The following MBOAT1 variants were observed in gnomAD, a reference collection of about 807,000 sequenced individuals.
MBOAT1 encodes membrane bound glycerophospholipid O-acyltransferase 1.
In MBOAT1, 67 loss-of-function variants were observed where a neutral mutation model predicts 64.4. The ratio of observed to expected loss-of-function variants is 1.04; its 90% confidence interval spans 0.85 to 1.27. The LOEUF (loss-of-function observed/expected upper bound fraction) is 1.27, where lower values mean the gene tolerates loss of function less well. MBOAT1 is among the 50% of genes most tolerant of loss of function. The pLI is 0.00. For synonymous variants in MBOAT1, 229 were observed against 218.9 expected, an observed-to-expected ratio of 1.05 and a Z score of -0.41; for missense variants, 563 against 604.6, an observed-to-expected ratio of 0.93 and a Z score of 0.72.
chr6:20,151,178 A>T lies in MBOAT1; in HGVS notation c.323+7T>A. 6.3e-7 allele frequency: 1 copy of T among 1,593,334 alleles called. No individual in the cohort carries two copies. The highest frequency in any genetic ancestry group is 8.6e-7 in the Non-Finnish European group (1 of 1,162,464). On this transcript the variant is annotated splice_region_variant and intron_variant, in intron 3 of 12. Coordinates refer to ENST00000324607, the MANE Select transcript of MBOAT1 (RefSeq NM_001080480.3). ...TCACCTTGCATTGTTCATTCCCAGT[A>T]TCTTACCTGTGAATATTGGATACAC...
rs149685052 is a variant in MBOAT1 at position 20,151,110 on chromosome 6, T to C, written c.323+75A>G. ...GTGGAAAATGGGTAAGGTCCATCTT[T>C]ACACTGGAAATATATTTCAAAGATC... is the stretch of plus-strand genomic sequence containing the variant. On this transcript the variant is annotated intron_variant, in intron 3 of 12. Coordinates refer to ENST00000324607, the MANE Select transcript of MBOAT1 (RefSeq NM_001080480.3). 5.4e-4 allele frequency: 601 copies of C among 1,113,140 alleles called. 2 individuals are homozygous for C. The East Asian group carries it at 0.013, about 24-fold the overall frequency. The allele number at this position is 1,113,140 out of a possible 1,614,324, so 69.0% of individuals were successfully genotyped here.
chr6:20,195,398 G>A (rs1379253338), intron 1 of MBOAT1, among the ~76,000 whole-genome samples: 2 of 152,008 alleles, frequency 1.3e-5, no homozygotes, highest in African/African-American at 4.8e-5. Flanking sequence ...TTTTTCAGTT[G>A]GAATTCTTCC....
intron 1 of MBOAT1, among the ~76,000 whole-genome samples, chr6:20,186,903 C>T (rs1408431820): frequency 6.6e-6 from 1 of 152,202 alleles, no homozygotes; most frequent in Non-Finnish European, 1.5e-5. Context: ...GCATCTGAGC[C>T]TTTCAGCTTT....
chr6:20,164,483 C>T (rs761459601), intron 1 of MBOAT1, among the ~76,000 whole-genome samples: 7 of 152,150 alleles, frequency 4.6e-5, no homozygotes, highest in Non-Finnish European at 7.4e-5. Context: ...ACAAAGTGTA[C>T]AGTAGCTAAC....
chr6:20,109,255 G>A (rs1760049280), intron 12 of MBOAT1, among the ~76,000 whole-genome samples: 1 of 152,114 alleles, frequency 6.6e-6, no homozygotes, highest in African/African-American at 2.4e-5. Context: ...ATAGTCCCCA[G>A]TACAGCCTAC....
At position 20,192,995 on chromosome 6, in the gene MBOAT1, C is replaced by CTTTTTTTTTTTTTTTTTTTTTTT. The variant is rs1174816793; in HGVS notation, c.99+19118_99+19140dup. Among the ~76,000 whole-genome samples the CTTTTTTTTTTTTTTTTTTTTTTT allele has an allele frequency of 2.4e-4, 13 of 55,036 alleles. 4 individuals are homozygous for CTTTTTTTTTTTTTTTTTTTTTTT. Among genetic ancestry groups the CTTTTTTTTTTTTTTTTTTTTTTT allele is most frequent in the Admixed American group, 5.6e-4 (2 of 3,564 alleles). 36.1% of individuals were successfully genotyped at this position (55,036 alleles called of 152,430 possible). On this transcript the variant is annotated intron_variant, in intron 1 of 12. Transcript: ENST00000324607. ...TTATTCAGCTGGTATGCTATAATTT[C>CTTTTTTTTTTTTTTTTTTTTTTT]TTTTTTTTTTTTTTTTTTTTTTTTT...
At chr6:20,177,207 G>A (rs1762366850) in intron 1 of MBOAT1, among the ~76,000 whole-genome samples, 1 of 152,060 alleles carries the variant, frequency 6.6e-6, no homozygotes, top group Admixed American at 6.6e-5. Flanking sequence ...CTTCAGGAAG[G>A]TACATTTTCT....
At chr6:20,124,292 C>G (rs1429171309) in intron 8 of MBOAT1, 116 bp downstream of exon 8, 5 of 990,548 alleles carry the variant, frequency 5.0e-6, no homozygotes, top group African/African-American at 1.6e-5. Flanking sequence ...GACTCAACTG[C>G]CTCCCATTAC....
At chr6:20,211,995 CACACACACAA>C (rs1321597206) in intron 1 of MBOAT1, 131 bp downstream of exon 1, 4 of 672,058 alleles carry the variant, frequency 6.0e-6, no homozygotes, top group African/African-American at 5.8e-5. Flanking sequence ...CACACACACA[CACACACACAA>C]AAACCAACTG....
chr6:20,133,337 C>T (rs936920328), intron 4 of MBOAT1, among the ~76,000 whole-genome samples: 4 of 152,196 alleles, frequency 2.6e-5, no homozygotes, highest in Non-Finnish European at 5.9e-5. Context: ...CTTGCAGAAG[C>T]ATGAGGTTTT....
At chr6:20,152,884 G>A (rs1761565304) in intron 1 of MBOAT1, 115 bp from the exon 2 acceptor site, 2 of 1,147,178 alleles carry the variant, frequency 1.7e-6, no homozygotes, top group African/African-American at 1.6e-5. Context: ...CCAGGCTGGA[G>A]TGCAGTGGCG....
Position 20,126,619 on chromosome 6 carries a change from C to T in MBOAT1, c.612G>A (p.Lys204=), listed in dbSNP as rs1760660336. 1 of 1,613,602 alleles carries T rather than the reference C, an allele frequency of 6.2e-7. No homozygotes were observed. Among genetic ancestry groups the T allele is most frequent in the Admixed American group, 1.7e-5 (1 of 59,918 alleles). The change falls in exon 7 of 13, where the codon AAG becomes AAA. Residue 204 remains lysine, a synonymous_variant. Coordinates refer to ENST00000324607, the MANE Select transcript of MBOAT1 (RefSeq NM_001080480.3). ...TCCCCTCAATGAAGGCTATGTAGTCCTTGAAATTGTTACAAGGACCAGCTA... is the reference window on the plus strand; with the variant it reads ...TCCCCTCAATGAAGGCTATGTAGTCTTTGAAATTGTTACAAGGACCAGCTA... ...SVIAGPCNNF[K]DYIAFIEGKH...
intron 12 of MBOAT1, among the ~76,000 whole-genome samples, chr6:20,105,491 G>A (rs188301037): frequency 4.9e-4 from 74 of 152,308 alleles, no homozygotes; most frequent in African/African-American, 1.8e-3. Flanking sequence ...CTGGCCAGGC[G>A]CAGTGGCTCA....
At position 20,160,182 on chromosome 6, in the gene MBOAT1, C is replaced by T. The variant is rs561228488; in HGVS notation, c.100-7413G>A. Among the ~76,000 whole-genome samples the T allele has an allele frequency of 3.3e-5, 5 of 152,330 alleles. No homozygotes were observed. In the South Asian group the frequency reaches 6.2e-4, roughly 19 times the overall value. ...CAAACTGTGCTACAATTTTCAAACG[C>T]AAGTCTTAAATCTACCCTAATGTGC... On this transcript the variant is annotated intron_variant, in intron 1 of 12. Coordinates refer to ENST00000324607, the MANE Select transcript of MBOAT1 (RefSeq NM_001080480.3).
chr6:20,130,385 G>C (rs772489436), intron 5 of MBOAT1, among the ~76,000 whole-genome samples: 1 of 151,886 alleles, frequency 6.6e-6, no homozygotes, highest in Non-Finnish European at 1.5e-5. Context: ...ATGGAGTCTC[G>C]CTCTGTCACC....
intron 1 of MBOAT1, among the ~76,000 whole-genome samples, chr6:20,199,862 G>A (rs1763070124): frequency 6.6e-6 from 1 of 152,176 alleles, no homozygotes; most frequent in Admixed American, 6.5e-5. Flanking sequence ...CAGCTACTTG[G>A]GAGGCTGAGG....
At chr6:20,191,174 C>T (rs1762790446) in intron 1 of MBOAT1, among the ~76,000 whole-genome samples, 1 of 152,126 alleles carries the variant, frequency 6.6e-6, no homozygotes. Flanking sequence ...ATCTCGAAAA[C>T]AGGTTGCTAT....
intron 1 of MBOAT1, among the ~76,000 whole-genome samples, chr6:20,189,473 A>G (rs1486479939): frequency 2.0e-5 from 3 of 151,980 alleles, no homozygotes; most frequent in Non-Finnish European, 2.9e-5. Flanking sequence ...CGATCATAGC[A>G]CACTACAGCC....
chr6:20,147,764 G>GA (rs898753099), intron 3 of MBOAT1, among the ~76,000 whole-genome samples: 71 of 151,438 alleles, frequency 4.7e-4, no homozygotes, highest in African/African-American at 9.2e-4. Context: ...ATTTCAGAAA[G>GA]AAAAAAAACT....
Sources: allele counts gnomAD v4.1 joint callset (sites outside exome capture counted in the v4.1 genomes callset), GRCh38; gene constraint gnomAD v4.1.1; transcripts MANE v1.5; gene names NCBI Gene and HGNC (gene_info 2026-07-23, HGNC 2026-07-21).